Variants in APBA2 observed in about 807,000 individuals in gnomAD.
The protein encoded by APBA2 is amyloid beta precursor protein binding family A member 2, also known as amyloid-beta A4 precursor protein-binding family A member 2.
A neutral mutation model predicts 75.0 loss-of-function variants in APBA2; 30 were observed. The observed-to-expected ratio is 0.40, with a 90% CI of 0.30 to 0.54. The LOEUF (loss-of-function observed/expected upper bound fraction) is 0.54, where lower values mean the gene tolerates loss of function less well. Among genes scored for constraint, APBA2 ranks in the 20% least tolerant of loss-of-function variants. The pLI, the probability that APBA2 is intolerant of heterozygous loss-of-function variation, is 0.49. For synonymous variants in APBA2, 444 were observed against 409.6 expected (o/e 1.08, Z -1.01); for missense variants, 801 against 1,016.1 (o/e 0.79, Z 2.88).
chr15:29,096,221 G>T (rs904884658), intron 8 of APBA2, among the ~76,000 whole-genome samples: 2 of 152,210 alleles, frequency 1.3e-5, no homozygotes, highest in Non-Finnish European at 1.5e-5. Flanking sequence ...CCTGTGGCCT[G>T]TTCTCTGGTG....
At chr15:28,928,285 A>G (rs1474531802) in intron 2 of APBA2, among the ~76,000 whole-genome samples, 3 of 152,102 alleles carry the variant, frequency 2.0e-5, no homozygotes, top group Non-Finnish European at 1.5e-5. Context: ...TAATCTGGCT[A>G]TGGGCTACGT....
At chr15:28,972,976 A>T (rs993361034) in intron 2 of APBA2, among the ~76,000 whole-genome samples, 1 of 152,242 alleles carries the variant, frequency 6.6e-6, no homozygotes, top group South Asian at 2.1e-4. Context: ...TGCATTACTT[A>T]TGCTTTAATA....
intron 3 of APBA2, among the ~76,000 whole-genome samples, chr15:29,010,769 C>T (rs539720199): frequency 6.6e-6 from 1 of 152,178 alleles, no homozygotes; most frequent in South Asian, 2.1e-4. Flanking sequence ...TTTTTTCCAG[C>T]CATTCTTGTT....
chr15:29,092,045 T>A (rs1595941087), intron 6 of APBA2, among the ~76,000 whole-genome samples: 1 of 152,272 alleles, frequency 6.6e-6, no homozygotes, highest in East Asian at 1.9e-4. Context: ...CTAGGATAGC[T>A]CAGAGGTCGG....
intron 3 of APBA2, among the ~76,000 whole-genome samples, chr15:29,040,515 C>T (rs751182744): frequency 3.3e-5 from 5 of 152,170 alleles, no homozygotes; most frequent in African/African-American, 7.2e-5. Flanking sequence ...CAATAGAAAC[C>T]GTGGCCCGGG....
At chr15:29,070,784 C>T in intron 4 of APBA2, 1 of 269,526 alleles carries the variant, frequency 3.7e-6, no homozygotes, top group Non-Finnish European at 7.3e-6. Context: ...CGGGTCTCGG[C>T]CGCCCCTTCT....
chr15:29,114,516 G>C (rs2044938404), intron 14 of APBA2, among the ~76,000 whole-genome samples: 1 of 152,304 alleles, frequency 6.6e-6, no homozygotes, highest in Admixed American at 6.5e-5. Context: ...TGGGAGGGGG[G>C]ATGGTGCTGG....
chr15:29,115,102 G>A (rs1249069520), intron 14 of APBA2, among the ~76,000 whole-genome samples: 3 of 151,998 alleles, frequency 2.0e-5, no homozygotes, highest in Non-Finnish European at 4.4e-5. Context: ...GAGGCTGAGA[G>A]CTGAGGAGCC....
chr15:29,076,684 A>G (rs1444144762), intron 6 of APBA2, among the ~76,000 whole-genome samples: 2 of 152,162 alleles, frequency 1.3e-5, no homozygotes, highest in African/African-American at 4.8e-5. Context: ...CTCAGAGTAA[A>G]GAGCTTGTTC....
chr15:28,923,608 G>T (rs71467372), intron 2 of APBA2, among the ~76,000 whole-genome samples: 2 of 152,210 alleles, frequency 1.3e-5, no homozygotes, highest in Non-Finnish European at 2.9e-5. Flanking sequence ...GCGCTCAGCA[G>T]ACAGGTGCTC....
At chr15:28,952,606 A>T (rs1385807360) in intron 2 of APBA2, among the ~76,000 whole-genome samples, 3 of 152,306 alleles carry the variant, frequency 2.0e-5, no homozygotes, top group African/African-American at 4.8e-5. Flanking sequence ...TTCCATGAGC[A>T]TGCCTCCCCA....
In APBA2 at chr15:29,074,951, C is replaced by G. The variant is rs754848396; in HGVS notation, c.982C>G (p.Gln328Glu). 6.2e-6 allele frequency: 10 copies of G among 1,614,202 alleles called. No homozygotes were observed. In the South Asian group the frequency reaches 6.6e-5, roughly 11 times the overall value. ...VCNGLEQPRK[Q>E]QRSDLNGPVD... ...CAATGGTCTGGAGCAGCCAAGGAAG[C>G]AGCAGCGCTCTGATCTCAATGGACC... is the stretch of plus-strand genomic sequence containing the variant. Residue 328 changes from glutamine to glutamate, a missense_variant, in exon 5 of 15, where the codon CAG (glutamine) becomes GAG (glutamate). Around this residue, in one of 2 missense-constraint regions of APBA2, gnomAD observed 434 missense variants for 471.6 expected, o/e 0.92. Coordinates refer to ENST00000683413, the MANE Select transcript of APBA2 (RefSeq NM_001353788.2).
At position 29,106,657 on chromosome 15, in the gene APBA2, G is replaced by T. The variant is rs532620175; in HGVS notation, c.1755G>T (p.Glu585Asp). 6.2e-7 allele frequency: 1 copy of T among 1,613,134 alleles called. No individual in the cohort carries two copies. The highest frequency in any genetic ancestry group is 1.3e-5 in the African/African-American group (1 of 75,046). Residue 585 changes from glutamate to aspartate, a missense_variant, in exon 12 of 15, where the codon GAG (glutamate) becomes GAT (aspartate). Transcript: ENST00000683413. ...KGEILGVVVVESGWGSILPTV... is the reference protein window; with the variant it reads ...KGEILGVVVVDSGWGSILPTV... Reference sequence around the variant, plus strand: ...AGATCCTGGGCGTGGTGGTGGTGGAGTCGGGCTGGGGCTCCATCCTGCCCA... The same window carrying T: ...AGATCCTGGGCGTGGTGGTGGTGGATTCGGGCTGGGGCTCCATCCTGCCCA...
At chr15:29,064,450 G>T (rs2042288237) in intron 4 of APBA2, among the ~76,000 whole-genome samples, 1 of 152,142 alleles carries the variant, frequency 6.6e-6, no homozygotes, top group South Asian at 2.1e-4. Context: ...AGAGGGAGAC[G>T]GATACATGAG....
chr15:29,116,157 G>T (rs905443693), intron 14 of APBA2, among the ~76,000 whole-genome samples: 32 of 152,272 alleles, frequency 2.1e-4, no homozygotes, highest in Admixed American at 2.0e-3. Context: ...GGTCTCCCTG[G>T]GGCGGTCTGA....
At chr15:28,939,503 A>C (rs2035066465) in intron 2 of APBA2, among the ~76,000 whole-genome samples, 1 of 152,104 alleles carries the variant, frequency 6.6e-6, no homozygotes, top group South Asian at 2.1e-4. Flanking sequence ...CAATTTCTCC[A>C]CATCCTCACC....
At chr15:29,022,239 C>A (rs1364893402) in intron 3 of APBA2, among the ~76,000 whole-genome samples, 1 of 152,146 alleles carries the variant, frequency 6.6e-6, no homozygotes, top group African/African-American at 2.4e-5. Flanking sequence ...AATAGTGATA[C>A]CAATTTGTAT....
intron 2 of APBA2, among the ~76,000 whole-genome samples, chr15:28,984,536 C>T (rs747777012): frequency 6.6e-6 from 1 of 152,060 alleles, no homozygotes; most frequent in African/African-American, 2.4e-5. Context: ...GTGCCAGGAT[C>T]CTTCCTGGTC....
chr15:28,936,330 G>C (rs1473441477), intron 2 of APBA2, among the ~76,000 whole-genome samples: 1 of 152,172 alleles, frequency 6.6e-6, no homozygotes, highest in Non-Finnish European at 1.5e-5. Flanking sequence ...TTTGCTTAGG[G>C]AGCTATGAGC....
Sources: allele counts gnomAD v4.1 joint callset (sites outside exome capture counted in the v4.1 genomes callset), GRCh38; gene constraint gnomAD v4.1.1; regional missense constraint gnomAD v4.1.1; transcripts MANE v1.5; gene names NCBI Gene and HGNC (gene_info 2026-07-23, HGNC 2026-07-21).